The following RYR3 variants were observed in gnomAD, a reference collection of about 807,000 sequenced individuals.
RYR3 encodes brain ryanodine receptor-calcium release channel.
In RYR3, 207 loss-of-function variants were observed where a neutral mutation model predicts 584.3. The observed-to-expected ratio is 0.35, with a 90% CI of 0.32 to 0.40. The LOEUF (loss-of-function observed/expected upper bound fraction) is 0.40. Ranked by LOEUF, RYR3 falls within the 10% of genes least tolerant of loss-of-function variation. The pLI, the probability that RYR3 is intolerant of heterozygous loss-of-function variation, is 1.00. For missense variants in RYR3, 5,616 were observed against 6,089.2 expected (o/e 0.92, Z 2.59); for synonymous variants, 2,416 against 2,248.5 (o/e 1.07, Z -2.11).
chr15:33,362,393 TGTC>T (rs1432099083), intron 1 of RYR3, among the ~76,000 whole-genome samples: 1 of 152,074 alleles, frequency 6.6e-6, no homozygotes, highest in Non-Finnish European at 1.5e-5. Context: ...GGTAAATGTC[TGTC>T]GTCATCATCA....
chr15:33,425,895 GCC>G (rs2044614144), intron 1 of RYR3, among the ~76,000 whole-genome samples: 1 of 152,096 alleles, frequency 6.6e-6, no homozygotes, highest in African/African-American at 2.4e-5. Flanking sequence ...GCCCGCCTTG[GCC>G]TCCCAAAGTG....
intron 70 of RYR3, among the ~76,000 whole-genome samples, chr15:33,808,212 C>A (rs527653010): frequency 1.3e-5 from 2 of 152,180 alleles, no homozygotes; most frequent in Non-Finnish European, 2.9e-5. Context: ...GGAGCCCAGG[C>A]GAGATAGACT....
chr15:33,334,231 C>A (rs1245088982), intron 1 of RYR3, among the ~76,000 whole-genome samples: 1 of 152,164 alleles, frequency 6.6e-6, no homozygotes, highest in Non-Finnish European at 1.5e-5. Context: ...CAAGGCAATC[C>A]TAAGCAAAAG....
rs112597454 is a variant in RYR3, at chr15:33,564,855, G to A, written c.1147-1823G>A. On this transcript the variant is annotated intron_variant, in intron 11 of 103. Transcript: ENST00000634891. ...TAAACTCTCTCCAGCTGGTGTGATGGTGCTCAGCCCTTGACAGGGCTACAC... is the reference window on the plus strand; with the variant it reads ...TAAACTCTCTCCAGCTGGTGTGATGATGCTCAGCCCTTGACAGGGCTACAC... Among the ~76,000 whole-genome samples the A allele has an allele frequency of 5.1e-3, 773 of 152,276 alleles. 11 individuals carry two copies. Among genetic ancestry groups the A allele is most frequent in the African/African-American group, 0.018 (730 of 41,550 alleles).
intron 18 of RYR3, among the ~76,000 whole-genome samples, chr15:33,612,293 G>A (rs1039728216): frequency 2.6e-5 from 4 of 152,210 alleles, no homozygotes; most frequent in Non-Finnish European, 5.9e-5. Flanking sequence ...CTGGCAATGT[G>A]TTTTCCTGCT....
At chr15:33,858,035 C>G in intron 99 of RYR3, 121 bp downstream of exon 99, 1 of 1,274,264 alleles carries the variant, frequency 7.8e-7, no homozygotes, top group Non-Finnish European at 1.1e-6. Context: ...AGTTACAGAG[C>G]ACAGCAGAGA....
At chr15:33,525,433 T>C (rs1449113160) in intron 3 of RYR3, among the ~76,000 whole-genome samples, 2 of 152,228 alleles carry the variant, frequency 1.3e-5, no homozygotes, top group East Asian at 1.9e-4. Context: ...ATTTGTGAAA[T>C]TGCAAAATAT....
At chr15:33,854,293 T>C in intron 96 of RYR3, 96 bp from the exon 97 acceptor site, 1 of 936,088 alleles carries the variant, frequency 1.1e-6, no homozygotes, top group Non-Finnish European at 1.7e-6. Context: ...ATTTAGGTTA[T>C]TAAACCTGAG....
chr15:33,392,199 CAAA>C (rs5811756), intron 1 of RYR3, among the ~76,000 whole-genome samples: 16,041 of 138,270 alleles, frequency 0.12, 1,527 homozygotes, highest in African/African-American at 0.27. Flanking sequence ...GGTAAGCCCT[CAAA>C]AAAAAAAAAA....
chr15:33,416,475 A>G (rs1040452674), intron 1 of RYR3, among the ~76,000 whole-genome samples: 1 of 152,006 alleles, frequency 6.6e-6, no homozygotes, highest in Non-Finnish European at 1.5e-5. Flanking sequence ...CATTTTTCAT[A>G]TATTTGGCTA....
chr15:33,643,400 C>T (rs951572046), intron 27 of RYR3, among the ~76,000 whole-genome samples: 1 of 152,200 alleles, frequency 6.6e-6, no homozygotes. Flanking sequence ...AACAAGAACA[C>T]CAAACAATTT....
intron 10 of RYR3, among the ~76,000 whole-genome samples, chr15:33,560,977 T>C (rs2057369886): frequency 6.6e-6 from 1 of 152,210 alleles, no homozygotes; most frequent in Non-Finnish European, 1.5e-5. Flanking sequence ...AAAAAGAAAT[T>C]TCTTGTAAAG....
chr15:33,583,731 G>A (rs930109686), intron 14 of RYR3, among the ~76,000 whole-genome samples: 4 of 152,080 alleles, frequency 2.6e-5, no homozygotes, highest in Non-Finnish European at 5.9e-5. Context: ...GACCAGCTTG[G>A]GCAACATAGT....
Position 33,772,036 on chromosome 15 carries a change from A to C in RYR3, c.8933A>C (p.His2978Pro), listed in dbSNP as rs1228589167. ...SENLKLGKFT[H>P]SRTQIKGVSQ... ...AACCTGAAACTTGGGAAGTTCACCC[A>C]TTCCCGAACGCAGATTAAAGGCGTT... Residue 2978 changes from histidine (H) to proline (P), a missense_variant, in exon 63 of 104, where the codon CAT becomes CCT. Transcript: ENST00000634891. 3.7e-6 allele frequency: 6 copies of C among 1,613,606 alleles called. No individual in the cohort carries two copies. The highest frequency in any genetic ancestry group is 8.5e-7 in the Non-Finnish European group (1 of 1,179,738).
intron 12 of RYR3, among the ~76,000 whole-genome samples, chr15:33,574,535 A>G (rs954013460): frequency 1.3e-5 from 2 of 152,116 alleles, no homozygotes; most frequent in African/African-American, 2.4e-5. Flanking sequence ...TAGGAGTTGA[A>G]TACACACTGA....
chr15:33,576,997 T>A (rs1328896279), intron 12 of RYR3, among the ~76,000 whole-genome samples: 1 of 152,158 alleles, frequency 6.6e-6, no homozygotes, highest in African/African-American at 2.4e-5. Context: ...AGCCAAATCA[T>A]GAATGAATTC....
At chr15:33,688,530 G>C (rs553477228) in intron 38 of RYR3, among the ~76,000 whole-genome samples, 1 of 141,780 alleles carries the variant, frequency 7.1e-6, no homozygotes, top group Admixed American at 7.4e-5. Flanking sequence ...CCAAGATTGC[G>C]CCACTGCACT....
intron 1 of RYR3, among the ~76,000 whole-genome samples, chr15:33,364,101 T>G (rs1436684235): frequency 1.3e-5 from 2 of 152,244 alleles, no homozygotes; most frequent in Non-Finnish European, 2.9e-5. Context: ...TAGTAACTTC[T>G]TATATTGAAT....
intron 38 of RYR3, among the ~76,000 whole-genome samples, chr15:33,685,848 TAAATAACGAAATTAAAGCAG>T (rs1160035990): frequency 6.6e-6 from 1 of 152,108 alleles, no homozygotes; most frequent in Non-Finnish European, 1.5e-5. Context: ...GACTACTGGG[TAAATAACGAAATTAAAGCAG>T]AAATAACGAT....
Sources: gnomAD v4.1 joint callset for allele counts (sites outside exome capture counted in the v4.1 genomes callset) on GRCh38, gnomAD v4.1.1 for gene constraint, MANE v1.5 for transcripts, NCBI Gene and HGNC (gene_info 2026-07-23, HGNC 2026-07-21) for gene names.